The following IPCEF1 variants were observed in gnomAD, a reference collection of about 807,000 sequenced individuals.
IPCEF1 encodes the protein interactor protein for cytohesin exchange factors 1.
In IPCEF1, 31 loss-of-function variants were observed where a neutral mutation model predicts 50.9. That is an observed-to-expected ratio of 0.61 (90% CI 0.46 to 0.82). The LOEUF (loss-of-function observed/expected upper bound fraction) is 0.82, where lower values mean the gene tolerates loss of function less well. Among genes scored for constraint, IPCEF1 ranks in the 40% least tolerant of loss-of-function variants. The pLI is 0.00. For missense variants in IPCEF1, 458 were observed against 514.0 expected, an observed-to-expected ratio of 0.89 and a Z score of 1.05; for synonymous variants, 181 against 192.0, an observed-to-expected ratio of 0.94 and a Z score of 0.47.
At chr6:154,355,550 G>A (rs550129010) in intron 1 of IPCEF1, among the ~76,000 whole-genome samples, 64 of 150,508 alleles carry the variant, frequency 4.3e-4, no homozygotes, top group African/African-American at 1.4e-3. Flanking sequence ...GTGCAGTGGC[G>A]CAATCTCAGC....
intron 2 of IPCEF1, among the ~76,000 whole-genome samples, chr6:154,283,905 T>C (rs1782290822): frequency 6.6e-6 from 1 of 152,142 alleles, no homozygotes. Context: ...AAAACATTGC[T>C]TGGTAAAATA....
At chr6:154,182,740 G>A (rs1034203505) in intron 10 of IPCEF1, among the ~76,000 whole-genome samples, 2 of 152,168 alleles carry the variant, frequency 1.3e-5, no homozygotes, top group African/African-American at 4.8e-5. Flanking sequence ...CGAATCCAAT[G>A]CATTGTAGAT....
Position 154,159,990 on chromosome 6 carries a change from C to A in IPCEF1, c.1155G>T (p.Lys385Asn). The A allele has an allele frequency of 1.9e-6, 3 of 1,612,698 alleles. No individual in the cohort carries two copies. Among genetic ancestry groups the A allele is most frequent in the Non-Finnish European group, 2.5e-6 (3 of 1,179,950 alleles). ...AMINQLLDDP[K>N]LTARKYREWK... is the part of the protein sequence containing the mutation. ...ACTCTCTGTATTTCCTGGCTGTCAG[C>A]TTCGGGTCATCCAGCAACTGGTTAA... is the stretch of plus-strand genomic sequence containing the variant. Residue 385 changes from lysine to asparagine, a missense_variant, in exon 12 of 12, where the codon AAG becomes AAT. Coordinates refer to ENST00000367220, the MANE Select transcript of IPCEF1 (RefSeq NM_001130700.2).
intron 7 of IPCEF1, among the ~76,000 whole-genome samples, chr6:154,215,600 C>G (rs533577383): frequency 1.8e-3 from 273 of 151,976 alleles, no homozygotes; most frequent in African/African-American, 6.2e-3. Context: ...GAGCGAAACT[C>G]CATCTCAAAA....
At chr6:154,341,197 C>T (rs2128697926) in intron 1 of IPCEF1, among the ~76,000 whole-genome samples, 1 of 152,282 alleles carries the variant, frequency 6.6e-6, no homozygotes, top group East Asian at 1.9e-4. Flanking sequence ...GACTGGGAGA[C>T]AGGTTTGCCC....
At chr6:154,247,952 C>G (rs1379454491) in intron 3 of IPCEF1, among the ~76,000 whole-genome samples, 1 of 152,170 alleles carries the variant, frequency 6.6e-6, no homozygotes, top group African/African-American at 2.4e-5. Context: ...GACTATTCAG[C>G]TCATAGTCCT....
At chr6:154,221,365 G>T (rs1424883207) in intron 6 of IPCEF1, 37 bp from the exon 7 acceptor site, 10 of 1,535,966 alleles carry the variant, frequency 6.5e-6, no homozygotes, top group Non-Finnish European at 8.1e-6. Context: ...TAAAAAATTA[G>T]TGTTTATAGT....
chr6:154,266,976 C>A (rs1011889778), intron 2 of IPCEF1, among the ~76,000 whole-genome samples: 2 of 152,114 alleles, frequency 1.3e-5, no homozygotes, highest in African/African-American at 4.8e-5. Context: ...CTGTTTGTTT[C>A]TTACACCAGT....
intron 11 of IPCEF1, 47 bp from the exon 12 acceptor site, chr6:154,160,087 T>A: frequency 9.3e-6 from 13 of 1,396,778 alleles, no homozygotes; most frequent in Non-Finnish European, 1.3e-5. Flanking sequence ...GAGAGTGTCT[T>A]AATTTACATA....
At chr6:154,281,266 T>C (rs1782203844) in intron 2 of IPCEF1, among the ~76,000 whole-genome samples, 1 of 149,002 alleles carries the variant, frequency 6.7e-6, no homozygotes, top group Admixed American at 6.7e-5. Flanking sequence ...GGCAAGAGAA[T>C]TGCCTGAACC....
At chr6:154,240,793 C>A (rs1193749927) in intron 5 of IPCEF1, among the ~76,000 whole-genome samples, 1 of 152,180 alleles carries the variant, frequency 6.6e-6, no homozygotes, top group Non-Finnish European at 1.5e-5. Context: ...CCCAAACATG[C>A]AAAACTTTCA....
chr6:154,169,361 A>T (rs956550556), intron 10 of IPCEF1, among the ~76,000 whole-genome samples: 1 of 152,150 alleles, frequency 6.6e-6, no homozygotes, highest in South Asian at 2.1e-4. Flanking sequence ...ACTCTGTCAC[A>T]CACACACACA....
At chr6:154,338,280 T>C (rs1388565959) in intron 1 of IPCEF1, among the ~76,000 whole-genome samples, 1 of 152,100 alleles carries the variant, frequency 6.6e-6, no homozygotes, top group African/African-American at 2.4e-5. Flanking sequence ...TATAGAGTCA[T>C]AGATACCAAA....
intron 11 of IPCEF1, among the ~76,000 whole-genome samples, chr6:154,166,313 C>T (rs934975971): frequency 1.3e-5 from 2 of 152,184 alleles, no homozygotes; most frequent in South Asian, 2.1e-4. Context: ...GGCATGGTGC[C>T]GTAAAGATCT....
At chr6:154,187,434 C>CA (rs1337492248) in intron 10 of IPCEF1, among the ~76,000 whole-genome samples, 3 of 152,196 alleles carry the variant, frequency 2.0e-5, no homozygotes, top group Non-Finnish European at 1.5e-5. Context: ...CAGCTCATGG[C>CA]ATGGTGCTTG....
At chr6:154,266,585 T>TATATATATATATAC (rs71021035) in intron 2 of IPCEF1, among the ~76,000 whole-genome samples, 46 of 135,700 alleles carry the variant, frequency 3.4e-4, no homozygotes, top group African/African-American at 9.6e-4. Flanking sequence ...TATATATATA[T>TATATATATATATAC]ACACACAAAC....
intron 7 of IPCEF1, among the ~76,000 whole-genome samples, chr6:154,215,760 C>A (rs1778344662): frequency 6.6e-6 from 1 of 151,946 alleles, no homozygotes; most frequent in African/African-American, 2.4e-5. Context: ...AATGAAGAGC[C>A]CAGATACGAA....
intron 5 of IPCEF1, among the ~76,000 whole-genome samples, chr6:154,228,731 T>G (rs1779468267): frequency 6.6e-6 from 1 of 151,794 alleles, no homozygotes; most frequent in Non-Finnish European, 1.5e-5. Flanking sequence ...CTTTAAACAC[T>G]CTGCTCTTGG....
At chr6:154,251,679 T>C (rs778129899) in intron 3 of IPCEF1, among the ~76,000 whole-genome samples, 1 of 152,142 alleles carries the variant, frequency 6.6e-6, no homozygotes, top group Non-Finnish European at 1.5e-5. Context: ...GTTTGCATTG[T>C]TGCTGTTTTG....
Sources: gnomAD v4.1 joint callset for allele counts (sites outside exome capture counted in the v4.1 genomes callset) on GRCh38, gnomAD v4.1.1 for gene constraint, MANE v1.5 for transcripts, NCBI Gene and HGNC (gene_info 2026-07-23, HGNC 2026-07-21) for gene names.